Variants in ANKRD49 observed in about 807,000 individuals in gnomAD.
The protein encoded by ANKRD49 is ankyrin repeat domain 49.
ANKRD49 carries 18 observed loss-of-function variants against 19.6 expected under a neutral mutation model. The observed-to-expected ratio is 0.92, with a 90% CI of 0.63 to 1.36. The LOEUF (loss-of-function observed/expected upper bound fraction) is 1.36, where lower values mean the gene tolerates loss of function less well. Ranked by LOEUF, ANKRD49 falls within the 40% of genes most tolerant of loss-of-function variation. The pLI is 0.00. For synonymous variants in ANKRD49, 88 were observed against 101.8 expected (o/e 0.86, Z 0.82); for missense variants, 218 against 281.6 (o/e 0.77, Z 1.62).
rs1250295325 is a variant in ANKRD49 at position 94,498,240 on chromosome 11, C to T, written c.428C>T (p.Thr143Met). 6.8e-6 allele frequency: 11 copies of T among 1,614,028 alleles called. No individual in the cohort carries two copies. The highest frequency in any genetic ancestry group is 1.7e-5 in the Admixed American group (1 of 59,990). Residue 143 changes from threonine (T) to methionine (M), a missense_variant, in exon 3 of 3, where the codon ACG becomes ATG. Coordinates refer to ENST00000544612, the MANE Select transcript of ANKRD49 (RefSeq NM_017704.3). Reference sequence around the variant, plus strand: ...CATGCAGTGACTGTGGATGGCTGGACGCCCCTGCACAGTGCTTGTAAGTGG... The same window carrying T: ...CATGCAGTGACTGTGGATGGCTGGATGCCCCTGCACAGTGCTTGTAAGTGG... ...DVHAVTVDGWTPLHSACKWNN... is the reference protein window; with the variant it reads ...DVHAVTVDGWMPLHSACKWNN...
chr11:94,498,654 A>G lies in ANKRD49; in HGVS notation c.*122A>G, dbSNP rs1947452043. 5.9e-6 allele frequency: 5 copies of G among 845,834 alleles called. No individual in the cohort carries two copies. Among genetic ancestry groups the G allele is most frequent in the Non-Finnish European group, 9.2e-6 (5 of 541,524 alleles). The allele number at this position is 845,834 out of a possible 1,614,324, so 52.4% of individuals were successfully genotyped here. A position where few individuals can be genotyped will look rare whatever the true frequency, so the allele number is the denominator to read the frequency against. On this transcript the variant is annotated 3_prime_UTR_variant, in exon 3 of 3. Coordinates refer to ENST00000544612, the MANE Select transcript of ANKRD49 (RefSeq NM_017704.3). ...AAAATTCAGTGACATTCATTATAAC[A>G]TTCTTCCAAGTGAATTGCCTGACTT...
Position 94,498,150 on chromosome 11 carries a change from A to G in ANKRD49, c.338A>G (p.His113Arg). ...TRDEDEYTPLHRAAYSGHLDI... is the reference protein window; with the variant it reads ...TRDEDEYTPLRRAAYSGHLDI... The stretch of plus-strand genomic sequence containing the variant: ...GATGAAGATGAGTATACCCCTCTTC[A>G]TCGAGCAGCCTACAGTGGACACTTA... Residue 113 changes from histidine to arginine, a missense_variant, in exon 3 of 3, where the codon CAT becomes CGT. Transcript: ENST00000544612. 6.2e-7 allele frequency: 1 copy of G among 1,614,150 alleles called. No homozygotes were observed. The highest frequency in any genetic ancestry group is 8.5e-7 in the Non-Finnish European group (1 of 1,180,034).
intron 1 of ANKRD49, among the ~76,000 whole-genome samples, chr11:94,495,743 G>C (rs1947409415): frequency 6.6e-6 from 1 of 152,088 alleles, no homozygotes; most frequent in African/African-American, 2.4e-5. Flanking sequence ...TAGGACTAGG[G>C]GAATTATGAA....
Position 94,498,565 on chromosome 11 carries a change from C to A in ANKRD49, c.*33C>A. On this transcript the variant is annotated 3_prime_UTR_variant, in exon 3 of 3. Coordinates refer to ENST00000544612, the MANE Select transcript of ANKRD49 (RefSeq NM_017704.3). ...AGTAATTTTCCTAAGTTTCTAAATA[C>A]CAGTGCCTCCTGTGTGTGAGATGTA... The A allele has an allele frequency of 6.5e-7, 1 of 1,538,970 alleles. No individual in the cohort carries two copies. Among genetic ancestry groups the A allele is most frequent in the Non-Finnish European group, 8.9e-7 (1 of 1,127,364 alleles).
At chr11:94,495,167 A>C (rs755353432) in intron 1 of ANKRD49, among the ~76,000 whole-genome samples, 1 of 152,208 alleles carries the variant, frequency 6.6e-6, no homozygotes, top group Non-Finnish European at 1.5e-5. Flanking sequence ...TGCCACTAGT[A>C]ATAAAGTTTA....
At position 94,498,220 on chromosome 11, in the gene ANKRD49, A is replaced by G; in HGVS notation, c.408A>G (p.Ala136=). The part of the protein sequence containing the change: ...ELIAQGADVH[A]VTVDGWTPLH... ...TTGCACAGGGGGCCGATGTTCATGCAGTGACTGTGGATGGCTGGACGCCCC... is the reference window on the plus strand; with the variant it reads ...TTGCACAGGGGGCCGATGTTCATGCGGTGACTGTGGATGGCTGGACGCCCC... Residue 136 remains alanine, a synonymous_variant, in exon 3 of 3, where the codon GCA becomes GCG. Transcript: ENST00000544612. 1 of 1,614,182 alleles carries G rather than the reference A, an allele frequency of 6.2e-7. No individual in the cohort carries two copies. Among genetic ancestry groups the G allele is most frequent in the Non-Finnish European group, 8.5e-7 (1 of 1,180,028 alleles).
Position 94,496,940 on chromosome 11 carries a change from G to T in ANKRD49, c.247G>T (p.Glu83Ter). The T allele has an allele frequency of 1.2e-6, 2 of 1,612,968 alleles. No individual in the cohort carries two copies. The highest frequency in any genetic ancestry group is 8.5e-7 in the Non-Finnish European group (1 of 1,179,852). Residue 83 changes from glutamate (E) to a stop codon, truncating the protein, a stop_gained, in exon 2 of 3, where the codon GAA becomes TAA. Transcript: ENST00000544612. LOFTEE classifies it high-confidence loss of function. ...DPSRLLLWAA[E>*]KNRLTTVRRL... is the part of the protein sequence containing the mutation. ...AAGCAGATTGCTTCTTTGGGCTGCTGAAAAAAATCGGGTAAAAAAAAAAAT... is the reference window on the plus strand; with the variant it reads ...AAGCAGATTGCTTCTTTGGGCTGCTTAAAAAAATCGGGTAAAAAAAAAAAT...
At position 94,498,356 on chromosome 11, in the gene ANKRD49, G is replaced by A; in HGVS notation, c.544G>A (p.Ala182Thr). Residue 182 changes from alanine to threonine, a missense_variant, in exon 3 of 3, where the codon GCT becomes ACT. Coordinates refer to ENST00000544612, the MANE Select transcript of ANKRD49 (RefSeq NM_017704.3). ...KGLLTPLHLA[A>T]GNRDSKDTLE... The stretch of plus-strand genomic sequence containing the variant: ...CCTCTTGACCCCCTTGCATCTTGCT[G>A]CTGGGAACAGAGACAGCAAGGATAC... 2.5e-6 allele frequency: 4 copies of A among 1,613,498 alleles called. No homozygotes were observed. Among genetic ancestry groups the A allele is most frequent in the Non-Finnish European group, 3.4e-6 (4 of 1,179,946 alleles).
chr11:94,494,952 A>T (rs1476733446), intron 1 of ANKRD49, among the ~76,000 whole-genome samples: 1 of 152,190 alleles, frequency 6.6e-6, no homozygotes, highest in Non-Finnish European at 1.5e-5. Flanking sequence ...TCAAAGAAAA[A>T]GTGGAAGCTC....
rs2135163594 is a variant in ANKRD49, at chr11:94,498,666, G to A, written c.*134G>A. 8.1e-6 allele frequency: 6 copies of A among 743,702 alleles called. No homozygotes were observed. The East Asian group carries it at 1.6e-4, about 20-fold the overall frequency. The allele number at this position is 743,702 out of a possible 1,614,324, so 46.1% of individuals were successfully genotyped here. Reference sequence around the variant, plus strand: ...CATTCATTATAACATTCTTCCAAGTGAATTGCCTGACTTTGATGTCAAAAT... The same window carrying A: ...CATTCATTATAACATTCTTCCAAGTAAATTGCCTGACTTTGATGTCAAAAT... On this transcript the variant is annotated 3_prime_UTR_variant, in exon 3 of 3. Coordinates refer to ENST00000544612, the MANE Select transcript of ANKRD49 (RefSeq NM_017704.3).
At chr11:94,494,279 C>T (rs1947376304) in intron 1 of ANKRD49, 1 of 152,350 alleles carries the variant, frequency 6.6e-6, no homozygotes, top group African/African-American at 2.4e-5. Flanking sequence ...TGGATCCCCT[C>T]TCCCTCCCTC....
At chr11:94,495,039 A>T (rs1947391770) in intron 1 of ANKRD49, among the ~76,000 whole-genome samples, 2 of 152,186 alleles carry the variant, frequency 1.3e-5, no homozygotes, top group African/African-American at 4.8e-5. Context: ...TGGGTGACTG[A>T]AAAGCCGGAT....
At chr11:94,495,251 C>G (rs906986312) in intron 1 of ANKRD49, among the ~76,000 whole-genome samples, 5 of 152,062 alleles carry the variant, frequency 3.3e-5, no homozygotes, top group African/African-American at 1.2e-4. Flanking sequence ...GGGGTTATGC[C>G]TAACTCTGGA....
rs767604254 is a variant in ANKRD49 at position 94,498,254 on chromosome 11, G to C, written c.442G>C (p.Ala148Pro). The C allele has an allele frequency of 5.0e-6, 8 of 1,614,160 alleles. No individual in the cohort carries two copies. The highest frequency in any genetic ancestry group is 6.8e-6 in the Non-Finnish European group (8 of 1,180,034). ...GGATGGCTGGACGCCCCTGCACAGTGCTTGTAAGTGGAATAATACCAGAGT... is the reference window on the plus strand; with the variant it reads ...GGATGGCTGGACGCCCCTGCACAGTCCTTGTAAGTGGAATAATACCAGAGT... ...TVDGWTPLHS[A>P]CKWNNTRVAS... The change falls in exon 3 of 3, where the codon GCT (alanine) becomes CCT (proline). Residue 148 changes from alanine (A) to proline (P), a missense_variant. By Grantham distance (27) the Ala-to-Pro change is conservative (BLOSUM62 -1). Coordinates refer to ENST00000544612, the MANE Select transcript of ANKRD49 (RefSeq NM_017704.3).
intron 1 of ANKRD49, 147 bp downstream of exon 1, chr11:94,494,182 G>A (rs1947373419): frequency 6.6e-6 from 1 of 152,224 alleles, no homozygotes; most frequent in African/African-American, 2.4e-5. Flanking sequence ...TAGGACCGAA[G>A]CCGCTTCTCC....
intron 2 of ANKRD49, 72 bp from the exon 3 acceptor site, chr11:94,497,999 C>A: frequency 4.2e-6 from 5 of 1,197,162 alleles, no homozygotes; most frequent in South Asian, 3.1e-5. Flanking sequence ...AATCTAACAC[C>A]ACAAGACAAT....
At position 94,496,934 on chromosome 11, in the gene ANKRD49, G is replaced by T; in HGVS notation, c.241G>T (p.Ala81Ser). Residue 81 changes from alanine to serine, a missense_variant, in exon 2 of 3, where the codon GCT (alanine) becomes TCT (serine). Transcript: ENST00000544612. ...AGACCCAAGCAGATTGCTTCTTTGG[G>T]CTGCTGAAAAAAATCGGGTAAAAAA... Reference protein sequence around the residue: ...EKDPSRLLLWAAEKNRLTTVR... With the variant: ...EKDPSRLLLWSAEKNRLTTVR... 1 of 1,613,566 alleles carries T rather than the reference G, an allele frequency of 6.2e-7. No homozygotes were observed. The highest frequency in any genetic ancestry group is 8.5e-7 in the Non-Finnish European group (1 of 1,179,958).
rs1388449414 is a variant in ANKRD49 at position 94,499,560 on chromosome 11, G to A, written c.*1028G>A. 6.6e-6 allele frequency: 1 copy of A among 152,006 alleles called. No homozygotes were observed. The highest frequency in any genetic ancestry group is 2.4e-5 in the African/African-American group (1 of 41,402). The allele number at this position is 152,006 out of a possible 1,614,324, so 9.4% of individuals were successfully genotyped here. On this transcript the variant is annotated 3_prime_UTR_variant, in exon 3 of 3. Transcript: ENST00000544612. ...AGTAAAAATATTTGAGAAAAATAAA[G>A]TACAAGTTTTGAACAACACAAAAGG...
chr11:94,496,711 A>T lies in ANKRD49; in HGVS notation c.18A>T (p.Gly6=). Residue 6 remains glycine, a synonymous_variant, in exon 2 of 3, where the codon GGA becomes GGT. Transcript: ENST00000544612. ...AGTAAAAAATGGAAAAAGAAAAAGG[A>T]AATGATGATGGAATACCAGACCAAG... MEKEK[G]NDDGIPDQEN... The T allele has an allele frequency of 6.3e-7, 1 of 1,581,876 alleles. No homozygotes were observed. Among genetic ancestry groups the T allele is most frequent in the Non-Finnish European group, 8.6e-7 (1 of 1,167,670 alleles).
Sources: gnomAD v4.1 joint callset for allele counts (sites outside exome capture counted in the v4.1 genomes callset) on GRCh38, gnomAD v4.1.1 for gene constraint, MANE v1.5 for transcripts, NCBI Gene and HGNC (gene_info 2026-07-23, HGNC 2026-07-21) for gene names.